The following RAB3D variants were observed in gnomAD, a reference collection of about 807,000 sequenced individuals.
The protein encoded by RAB3D is RAB3D, member RAS oncogene family.
In RAB3D, 17 loss-of-function variants were observed where a neutral mutation model predicts 19.3. The observed-to-expected ratio is 0.88, with a 90% CI of 0.60 to 1.32. RAB3D has a LOEUF of 1.32. RAB3D is among the 40% of genes most tolerant of loss of function. The pLI is 0.00. For synonymous variants in RAB3D, 103 were observed against 119.9 expected (o/e 0.86, Z 0.92); for missense variants, 223 against 299.1 (o/e 0.75, Z 1.88).
intron 4 of RAB3D, among the ~76,000 whole-genome samples, chr19:11,329,447 A>C (rs1332376874): frequency 1.3e-5 from 2 of 151,704 alleles, no homozygotes; most frequent in Non-Finnish European, 2.9e-5. Context: ...ATCTCTACTA[A>C]AAATACAAAA....
chr19:11,339,043 C>G (rs1966925432), intron 1 of RAB3D, among the ~76,000 whole-genome samples: 1 of 152,234 alleles, frequency 6.6e-6, no homozygotes, highest in Non-Finnish European at 1.5e-5. Context: ...ACCGGCCCCA[C>G]CCCGTGTTCC....
At chr19:11,338,399 G>T (rs1406184510) in intron 1 of RAB3D, among the ~76,000 whole-genome samples, 1 of 152,154 alleles carries the variant, frequency 6.6e-6, no homozygotes, top group East Asian at 1.9e-4. Context: ...GGGGTGGGGG[G>T]AGGACCTGCC....
intron 4 of RAB3D, among the ~76,000 whole-genome samples, chr19:11,326,617 T>A (rs76316933): frequency 2.3e-4 from 35 of 152,178 alleles, no homozygotes; most frequent in Non-Finnish European, 4.9e-4. Flanking sequence ...TTGCTTTTTT[T>A]AAAAGAGAAA....
chr19:11,332,809 C>T (rs891535657), intron 4 of RAB3D, among the ~76,000 whole-genome samples: 6 of 151,152 alleles, frequency 4.0e-5, no homozygotes, highest in Non-Finnish European at 7.4e-5. Flanking sequence ...AAGTGTAGGC[C>T]GGGACTATAA....
At chr19:11,331,650 A>G (rs1247047805) in intron 4 of RAB3D, among the ~76,000 whole-genome samples, 1 of 152,006 alleles carries the variant, frequency 6.6e-6, no homozygotes, top group East Asian at 1.9e-4. Flanking sequence ...GTCTGAGGCT[A>G]CAGGGAGCTT....
chr19:11,326,661 T>C (rs2080815017), intron 4 of RAB3D: 2 of 576,122 alleles, frequency 3.5e-6, no homozygotes, highest in Admixed American at 3.0e-5. Flanking sequence ...CGGGGTGTAG[T>C]GGTATGAACA....
intron 4 of RAB3D, among the ~76,000 whole-genome samples, chr19:11,328,206 C>T (rs930404014): frequency 1.3e-5 from 2 of 151,364 alleles, no homozygotes; most frequent in African/African-American, 4.9e-5. Flanking sequence ...TGGTGGTGCA[C>T]ACCTGTGATC....
Position 11,335,727 on chromosome 19 carries a change from G to T in RAB3D, c.285C>A (p.Ala95=). 6.2e-7 allele frequency: 1 copy of T among 1,614,208 alleles called. No individual in the cohort carries two copies. The highest frequency in any genetic ancestry group is 1.1e-5 in the South Asian group (1 of 91,088). The part of the protein sequence containing the change: ...RTITTAYYRG[A]MGFLLMYDIA... ...TGTCATACATGAGCAGGAAGCCCAT[G>T]GCTCCCCGGTAGTAGGCCGTGGTGA... Residue 95 remains alanine (A), a synonymous_variant, in exon 3 of 5, where the codon GCC becomes GCA. Transcript: ENST00000222120.
intron 1 of RAB3D, among the ~76,000 whole-genome samples, chr19:11,338,980 C>G (rs1966924833): frequency 6.6e-6 from 1 of 152,226 alleles, no homozygotes; most frequent in African/African-American, 2.4e-5. Flanking sequence ...AGCCCTGGCA[C>G]AGCTATTTCT....
At chr19:11,332,332 G>A (rs1023831414) in intron 4 of RAB3D, among the ~76,000 whole-genome samples, 2 of 151,398 alleles carry the variant, frequency 1.3e-5, no homozygotes, top group East Asian at 1.9e-4. Flanking sequence ...ACGCCTGGCC[G>A]AACATTTCTC....
chr19:11,326,219 T>TA (rs57893701), intron 4 of RAB3D, among the ~76,000 whole-genome samples: 5,835 of 141,968 alleles, frequency 0.041, 350 homozygotes, highest in African/African-American at 0.13. Flanking sequence ...GAGATTCTAT[T>TA]AAAAAAAAAA....
At chr19:11,327,906 A>G (rs2080821371) in intron 4 of RAB3D, among the ~76,000 whole-genome samples, 1 of 152,124 alleles carries the variant, frequency 6.6e-6, no homozygotes, top group African/African-American at 2.4e-5. Context: ...TTACTGGAGA[A>G]ACTAGAAACT....
intron 4 of RAB3D, among the ~76,000 whole-genome samples, chr19:11,333,192 G>A (rs1192938292): frequency 6.7e-6 from 1 of 149,558 alleles, no homozygotes; most frequent in Non-Finnish European, 1.5e-5. Flanking sequence ...CCATTCTCTT[G>A]CCTCAGCCTC....
chr19:11,335,772 G>A lies in RAB3D; in HGVS notation c.240C>T (p.Gly80=). The change falls in exon 3 of 5, where the codon GGC becomes GGT. Residue 80 remains glycine (G), a synonymous_variant. Coordinates refer to ENST00000222120, the MANE Select transcript of RAB3D (RefSeq NM_004283.4). The stretch of plus-strand genomic sequence containing the variant: ...TGGTGATGGTGCGGTAGCGCTCCTG[G>A]CCCGCTGTGTCCTGGACAAATGGCA... The part of the protein sequence containing the change: ...RIKLQIWDTA[G]QERYRTITTA... 1 of 1,614,162 alleles carries A rather than the reference G, an allele frequency of 6.2e-7. No individual in the cohort carries two copies. Among genetic ancestry groups the A allele is most frequent in the South Asian group, 1.1e-5 (1 of 91,084 alleles).
At chr19:11,326,181 C>G (rs1190856264) in intron 4 of RAB3D, among the ~76,000 whole-genome samples, 10 of 150,624 alleles carry the variant, frequency 6.6e-5, no homozygotes, top group Admixed American at 6.6e-4. Context: ...GAGATCACAC[C>G]ACTGTACTCC....
intron 4 of RAB3D, chr19:11,326,851 C>A (rs1192729412): frequency 7.7e-6 from 5 of 645,336 alleles, no homozygotes; most frequent in East Asian, 6.0e-5. Flanking sequence ...CTAAAGCGAT[C>A]CCCCCGCCTA....
At chr19:11,334,671 T>A (rs2080846066) in intron 4 of RAB3D, among the ~76,000 whole-genome samples, 1 of 152,082 alleles carries the variant, frequency 6.6e-6, no homozygotes, top group Non-Finnish European at 1.5e-5. Context: ...ACGCTTGTAA[T>A]CCCAGCACTT....
intron 1 of RAB3D, among the ~76,000 whole-genome samples, chr19:11,338,195 G>A (rs73922645): frequency 0.013 from 2,039 of 152,298 alleles, 48 homozygotes; most frequent in African/African-American, 0.046. Flanking sequence ...ACCCTGTGGC[G>A]TAACTGAGTC....
intron 4 of RAB3D, among the ~76,000 whole-genome samples, chr19:11,330,110 G>A (rs777794056): frequency 6.6e-6 from 1 of 152,146 alleles, no homozygotes; most frequent in Non-Finnish European, 1.5e-5. Flanking sequence ...GGCGTTAACT[G>A]ATTTCACCAC....
Sources: gnomAD v4.1 joint callset for allele counts (sites outside exome capture counted in the v4.1 genomes callset) on GRCh38, gnomAD v4.1.1 for gene constraint, MANE v1.5 for transcripts, NCBI Gene and HGNC (gene_info 2026-07-23, HGNC 2026-07-21) for gene names.